NUBPL: variants seen among roughly 807,000 people sequenced by gnomAD.
The protein encoded by NUBPL is iron-sulfur cluster transfer protein NUBPL.
A neutral mutation model predicts 45.7 loss-of-function variants in NUBPL; 31 were observed. The ratio of observed to expected loss-of-function variants is 0.68; its 90% confidence interval spans 0.51 to 0.92. The LOEUF (loss-of-function observed/expected upper bound fraction) is 0.92. Ranked by LOEUF, NUBPL falls within the 40% of genes least tolerant of loss-of-function variation. The pLI is 0.00. For missense variants in NUBPL, 401 were observed against 398.7 expected (o/e 1.01, Z -0.05); for synonymous variants, 144 against 140.9 (o/e 1.02, Z -0.15).
intron 6 of NUBPL, among the ~76,000 whole-genome samples, chr14:31,721,286 T>C (rs1386396040): frequency 6.6e-6 from 1 of 152,192 alleles, no homozygotes; most frequent in Admixed American, 6.5e-5. Context: ...GTTTGCCTTA[T>C]AGAATTTAAC....
At chr14:31,837,876 G>T (rs909742915) in intron 8 of NUBPL, among the ~76,000 whole-genome samples, 1 of 152,160 alleles carries the variant, frequency 6.6e-6, no homozygotes, top group Non-Finnish European at 1.5e-5. Flanking sequence ...CCAGAAAAAT[G>T]AGGACAAACT....
intron 4 of NUBPL, among the ~76,000 whole-genome samples, chr14:31,640,379 C>T (rs1284204727): frequency 6.6e-6 from 1 of 152,096 alleles, no homozygotes; most frequent in Non-Finnish European, 1.5e-5. Context: ...GTGGGTGGAT[C>T]ACTTGAGGGC....
rs186510405 is a variant in NUBPL, at chr14:31,577,269, A to G, written c.291+12221A>G. Among the ~76,000 whole-genome samples the G allele has an allele frequency of 1.9e-3, 286 of 152,308 alleles. 2 individuals carry two copies. The highest frequency in any genetic ancestry group is 6.5e-3 in the African/African-American group (272 of 41,576). ...TGTCGTGAACCTAGCTAAGAATTTT[A>G]TCATCTTTCACTTGAGAGTTTTCCA... On this transcript the variant is annotated intron_variant, in intron 3 of 10. Transcript: ENST00000281081.
chr14:31,608,331 A>G (rs1566444632), intron 4 of NUBPL, among the ~76,000 whole-genome samples: 1 of 152,084 alleles, frequency 6.6e-6, no homozygotes, highest in Non-Finnish European at 1.5e-5. Flanking sequence ...AGGCGGGCGG[A>G]TCACCTGAGG....
At chr14:31,686,995 T>C (rs185298734) in intron 6 of NUBPL, among the ~76,000 whole-genome samples, 53 of 152,314 alleles carry the variant, frequency 3.5e-4, no homozygotes, top group African/African-American at 1.2e-3. Flanking sequence ...GTACCAGTAG[T>C]CTTGCTATTT....
Position 31,672,992 on chromosome 14 carries a change from G to A in NUBPL, c.383-363G>A, listed in dbSNP as rs112380378. 4.1e-4 allele frequency among the ~76,000 whole-genome samples: 62 copies of A among 152,310 alleles called. 1 individual carries two copies. Among genetic ancestry groups the A allele is most frequent in the African/African-American group, 1.3e-3 (52 of 41,566 alleles). On this transcript the variant is annotated intron_variant, in intron 4 of 10. Transcript: ENST00000281081. ...AGGGGAGATGTTAGTCAAGTAGTGC[G>A]AAGTTTCAGTTAGACAGGGGGAATA...
chr14:31,688,659 T>TC (rs2037019793), intron 6 of NUBPL, among the ~76,000 whole-genome samples: 4 of 38,310 alleles, frequency 1.0e-4, no homozygotes, highest in African/African-American at 1.9e-4. Context: ...TTTGTTGTTG[T>TC]TTTTTTTTTT....
chr14:31,757,507 C>T (rs2038696153), intron 6 of NUBPL, among the ~76,000 whole-genome samples: 1 of 152,060 alleles, frequency 6.6e-6, no homozygotes, highest in Non-Finnish European at 1.5e-5. Context: ...TTGTAGTATT[C>T]TCTGATGGTA....
At chr14:31,740,892 C>T (rs1287806799) in intron 6 of NUBPL, among the ~76,000 whole-genome samples, 2 of 152,184 alleles carry the variant, frequency 1.3e-5, no homozygotes, top group African/African-American at 4.8e-5. Flanking sequence ...CAGCCATTTC[C>T]AGTCTACTAA....
chr14:31,798,827 T>G (rs1007071506), intron 7 of NUBPL, among the ~76,000 whole-genome samples: 1 of 150,300 alleles, frequency 6.7e-6, no homozygotes, highest in Admixed American at 6.6e-5. Flanking sequence ...AGAAATTATC[T>G]TATTTACTTG....
chr14:31,646,772 A>C (rs1167386249), intron 4 of NUBPL, among the ~76,000 whole-genome samples: 1 of 151,514 alleles, frequency 6.6e-6, no homozygotes, highest in Non-Finnish European at 1.5e-5. Context: ...TGGAATGTTT[A>C]ATTTTTTAAA....
intron 7 of NUBPL, among the ~76,000 whole-genome samples, chr14:31,819,014 C>T (rs977491717): frequency 1.3e-5 from 2 of 152,068 alleles, no homozygotes; most frequent in Non-Finnish European, 2.9e-5. Flanking sequence ...TTTATATTTC[C>T]TGTTGGTCTG....
chr14:31,641,924 G>T (rs1046853942), intron 4 of NUBPL, among the ~76,000 whole-genome samples: 1 of 152,100 alleles, frequency 6.6e-6, no homozygotes, highest in Non-Finnish European at 1.5e-5. Flanking sequence ...GCATTTCTCT[G>T]ATCATTAGTG....
rs536449691 is a variant in NUBPL, at chr14:31,760,828, T to C, written c.514-26952T>C. Among the ~76,000 whole-genome samples the C allele has an allele frequency of 2.9e-5, 4 of 135,826 alleles. No individual in the cohort carries two copies. In the South Asian group the frequency reaches 8.5e-4, roughly 29 times the overall value. The allele number at this position is 135,826 out of a possible 152,430, so 89.1% of individuals were successfully genotyped here. A position where few individuals can be genotyped will look rare whatever the true frequency, so the allele number is the denominator to read the frequency against. ...ATCTGGCTCCATCTACTTTTTACAT[T>C]TTACTTTATTTATTTATTTATTTAT... On this transcript the variant is annotated intron_variant, in intron 6 of 10. Transcript: ENST00000281081.
At chr14:31,857,179 C>T (rs886524442) in intron 10 of NUBPL, among the ~76,000 whole-genome samples, 38 of 152,350 alleles carry the variant, frequency 2.5e-4, no homozygotes, top group African/African-American at 8.7e-4. Context: ...CATGTGGAAG[C>T]TGCCAAGGCT....
chr14:31,763,126 A>G (rs2038847871), intron 6 of NUBPL, among the ~76,000 whole-genome samples: 1 of 152,152 alleles, frequency 6.6e-6, no homozygotes, highest in Non-Finnish European at 1.5e-5. Flanking sequence ...AACAGTGGGG[A>G]TGAAGGTTAC....
intron 7 of NUBPL, among the ~76,000 whole-genome samples, chr14:31,826,012 A>G (rs555991802): frequency 6.6e-6 from 1 of 152,100 alleles, no homozygotes; most frequent in East Asian, 1.9e-4. Context: ...TTGAAAGTAA[A>G]GCCTAGCTTG....
chr14:31,838,279 C>CAAAAAAAAAAAAAAAAAAAAAAAAAA (rs748313330), intron 8 of NUBPL, among the ~76,000 whole-genome samples: 2 of 60,268 alleles, frequency 3.3e-5, no homozygotes, highest in Non-Finnish European at 7.4e-5. Flanking sequence ...TAATATCCAG[C>CAAAAAAAAAAAAAAAAAAAAAAAAAA]AAAAAAAAAA....
chr14:31,757,800 C>A (rs1183809988), intron 6 of NUBPL, among the ~76,000 whole-genome samples: 1 of 152,096 alleles, frequency 6.6e-6, no homozygotes, highest in African/African-American at 2.4e-5. Context: ...GATCATAACT[C>A]AAACCCTTTT....
Sources: gnomAD v4.1 joint callset for allele counts (sites outside exome capture counted in the v4.1 genomes callset) on GRCh38, gnomAD v4.1.1 for gene constraint, MANE v1.5 for transcripts, NCBI Gene and HGNC (gene_info 2026-07-23, HGNC 2026-07-21) for gene names.